The following TRPC7 variants were observed in gnomAD, a reference collection of about 807,000 sequenced individuals.
The protein encoded by TRPC7 is short transient receptor potential channel 7.
Under a neutral mutation model 90.1 loss-of-function variants are expected in TRPC7, and 42 were observed. That is an observed-to-expected ratio of 0.47 (90% confidence interval 0.36 to 0.60). The LOEUF (loss-of-function observed/expected upper bound fraction) is 0.60. Ranked by LOEUF, TRPC7 falls within the 20% of genes least tolerant of loss-of-function variation. TRPC7 has a pLI of 0.00. For synonymous variants in TRPC7, 451 were observed against 436.3 expected (o/e 1.03, Z -0.42); for missense variants, 955 against 1,112.3 (o/e 0.86, Z 2.01).
At chr5:136,301,713 T>A (rs926683611) in intron 3 of TRPC7, among the ~76,000 whole-genome samples, 9 of 152,224 alleles carry the variant, frequency 5.9e-5, no homozygotes, top group African/African-American at 2.2e-4. Flanking sequence ...GAACTAATGA[T>A]AATCCACCAC....
intron 3 of TRPC7, among the ~76,000 whole-genome samples, chr5:136,281,398 C>A (rs2149818710): frequency 6.6e-6 from 1 of 152,286 alleles, no homozygotes; most frequent in South Asian, 2.1e-4. Context: ...AGACTTATAG[C>A]CTTGAAAAGT....
chr5:136,217,879 T>C (rs1755321694), intron 10 of TRPC7, among the ~76,000 whole-genome samples: 1 of 151,428 alleles, frequency 6.6e-6, no homozygotes, highest in Admixed American at 6.6e-5. Context: ...TAGCTGGGCA[T>C]GGTGGTGTGT....
At chr5:136,240,699 G>A (rs944275696) in intron 7 of TRPC7, among the ~76,000 whole-genome samples, 3 of 152,166 alleles carry the variant, frequency 2.0e-5, no homozygotes, top group African/African-American at 7.2e-5. Flanking sequence ...CTAAGGTGGA[G>A]GATGGGCTTG....
intron 1 of TRPC7, among the ~76,000 whole-genome samples, chr5:136,362,509 A>G (rs1297778839): frequency 6.6e-6 from 1 of 152,222 alleles, no homozygotes; most frequent in East Asian, 1.9e-4. Flanking sequence ...TATAGCGAAC[A>G]TGACACATTT....
intron 7 of TRPC7, among the ~76,000 whole-genome samples, chr5:136,232,197 C>T (rs1755840523): frequency 6.6e-6 from 1 of 152,002 alleles, no homozygotes; most frequent in Admixed American, 6.6e-5. Flanking sequence ...CATTATGAGC[C>T]CCAGAAAGTG....
intron 5 of TRPC7, among the ~76,000 whole-genome samples, chr5:136,252,821 C>T (rs1019007214): frequency 2.1e-4 from 32 of 152,182 alleles, no homozygotes; most frequent in African/African-American, 7.7e-4. Flanking sequence ...GCTTGCCCAC[C>T]GCTTACCTCC....
At chr5:136,287,843 C>A (rs566490947) in intron 3 of TRPC7, among the ~76,000 whole-genome samples, 126 of 151,716 alleles carry the variant, frequency 8.3e-4, no homozygotes, top group Middle Eastern at 3.4e-3. Flanking sequence ...AGGGCATAGA[C>A]CAAGAGCCCT....
intron 7 of TRPC7, among the ~76,000 whole-genome samples, chr5:136,238,850 T>C (rs765616860): frequency 1.3e-5 from 2 of 152,174 alleles, no homozygotes; most frequent in Non-Finnish European, 2.9e-5. Context: ...CATTTTACGA[T>C]AGTAGAGTGT....
At chr5:136,258,713 A>G (rs1237246735) in intron 5 of TRPC7, among the ~76,000 whole-genome samples, 1 of 152,052 alleles carries the variant, frequency 6.6e-6, no homozygotes, top group Non-Finnish European at 1.5e-5. Flanking sequence ...AAGGCAGTTC[A>G]CTCCTATCCC....
chr5:136,220,230 C>T (rs911732257), intron 10 of TRPC7, among the ~76,000 whole-genome samples: 1 of 152,178 alleles, frequency 6.6e-6, no homozygotes, highest in African/African-American at 2.4e-5. Flanking sequence ...TTTCAGAGAA[C>T]AAGGGAAGAC....
At chr5:136,220,493 C>T (rs1454015122) in intron 10 of TRPC7, among the ~76,000 whole-genome samples, 2 of 152,134 alleles carry the variant, frequency 1.3e-5, no homozygotes, top group African/African-American at 4.8e-5. Flanking sequence ...CTGCAGTACC[C>T]TCAGGCTTAT....
chr5:136,328,696 G>C (rs1759414436), intron 2 of TRPC7, among the ~76,000 whole-genome samples: 1 of 152,208 alleles, frequency 6.6e-6, no homozygotes, highest in South Asian at 2.1e-4. Context: ...ACCCAAATAA[G>C]GTGCTTCACA....
intron 2 of TRPC7, chr5:136,316,057 A>C: frequency 5.2e-6 from 2 of 384,500 alleles, no homozygotes; most frequent in Non-Finnish European, 9.4e-6. Context: ...CTAAAGTTGC[A>C]GATTCCCAGG....
intron 2 of TRPC7, among the ~76,000 whole-genome samples, chr5:136,337,405 C>T (rs918841158): frequency 1.4e-4 from 21 of 152,232 alleles, no homozygotes; most frequent in African/African-American, 5.1e-4. Context: ...TGGTGGCTCA[C>T]GCCTATAATC....
intron 3 of TRPC7, among the ~76,000 whole-genome samples, chr5:136,315,209 T>C (rs531506305): frequency 1.3e-5 from 2 of 152,338 alleles, no homozygotes; most frequent in South Asian, 4.1e-4. Flanking sequence ...GGAAGCTCAA[T>C]AAATGCTTTT....
rs1355826160 is a variant in TRPC7, at chr5:136,318,231, T to C, written c.781-2452A>G. 2.0e-5 allele frequency among the ~76,000 whole-genome samples: 3 copies of C among 152,290 alleles called. No homozygotes were observed. In the East Asian group the frequency reaches 5.8e-4, roughly 29 times the overall value. ...TAGCCTTCCAAGACACACTCCTCACTGTAATTGGAAGGAGATGACATACAC... is the reference window on the plus strand; with the variant it reads ...TAGCCTTCCAAGACACACTCCTCACCGTAATTGGAAGGAGATGACATACAC... On this transcript the variant is annotated intron_variant, in intron 2 of 11. Coordinates refer to ENST00000513104, the MANE Select transcript of TRPC7 (RefSeq NM_020389.3).
intron 5 of TRPC7, among the ~76,000 whole-genome samples, chr5:136,265,779 ATATT>A (rs1209903670): frequency 2.6e-5 from 4 of 152,268 alleles, no homozygotes; most frequent in African/African-American, 7.2e-5. Context: ...TTTTAGATGT[ATATT>A]TATTATCACA....
At chr5:136,353,570 C>T (rs1051420408) in intron 2 of TRPC7, among the ~76,000 whole-genome samples, 3 of 152,202 alleles carry the variant, frequency 2.0e-5, no homozygotes, top group Non-Finnish European at 2.9e-5. Context: ...TACAATTTGA[C>T]TTCTTTCCTG....
chr5:136,298,485 A>C (rs530718492), intron 3 of TRPC7, among the ~76,000 whole-genome samples: 2 of 152,314 alleles, frequency 1.3e-5, no homozygotes, highest in African/African-American at 4.8e-5. Context: ...TGCCAAGATC[A>C]TTAGAAAGAA....
Sources: allele counts gnomAD v4.1 joint callset (sites outside exome capture counted in the v4.1 genomes callset), GRCh38; gene constraint gnomAD v4.1.1; transcripts MANE v1.5; gene names NCBI Gene and HGNC (gene_info 2026-07-23, HGNC 2026-07-21).